PCDH10: variants seen among roughly 807,000 people sequenced by gnomAD.
PCDH10 encodes protocadherin 10.
A neutral mutation model predicts 74.4 loss-of-function variants in PCDH10; 15 were observed. The ratio of observed to expected loss-of-function variants is 0.20; its 90% CI spans 0.13 to 0.31. The LOEUF is 0.31. Ranked by LOEUF, PCDH10 falls within the 10% of genes least tolerant of loss-of-function variation. The pLI, the probability that PCDH10 is intolerant of heterozygous loss-of-function variation, is 1.00. For missense variants in PCDH10, 1,260 were observed against 1,390.2 expected (o/e 0.91, Z 1.49); for synonymous variants, 619 against 589.8 (o/e 1.05, Z -0.72).
chr4:133,181,256 TTAAC>T (rs1253880959), intron 4 of PCDH10, among the ~76,000 whole-genome samples: 4 of 152,078 alleles, frequency 2.6e-5, no homozygotes, highest in East Asian at 1.9e-4. Context: ...CAATTAGTCA[TTAAC>T]TAAAAATTTA....
rs542838667 is a variant in PCDH10 at position 133,191,593 on chromosome 4, T to C, written c.*1433T>C. The C allele has an allele frequency of 5.9e-5, 9 of 152,272 alleles. No homozygotes were observed. Among genetic ancestry groups the C allele is most frequent in the African/African-American group, 1.9e-4 (8 of 41,556 alleles). 9.4% of individuals were successfully genotyped at this position (152,272 alleles called of 1,614,324 possible). A position where few individuals can be genotyped will look rare whatever the true frequency, so the allele number is the denominator to read the frequency against. On this transcript the variant is annotated 3_prime_UTR_variant, in exon 5 of 5. Transcript: ENST00000264360. Reference sequence around the variant, plus strand: ...GTAAGACGCACTTTCCTTTCTTTTATATATTTTTTCTACTGTTGTGTATGC... The same window carrying C: ...GTAAGACGCACTTTCCTTTCTTTTACATATTTTTTCTACTGTTGTGTATGC...
chr4:133,183,793 T>G lies in PCDH10; in HGVS notation c.3104-6348T>G, dbSNP rs570791395. Among the ~76,000 whole-genome samples, 6 of 152,244 alleles carry G rather than the reference T, an allele frequency of 3.9e-5. 1 individual carries two copies. The South Asian group carries it at 1.0e-3, about 26-fold the overall frequency. Reference sequence around the variant, plus strand: ...CTTTCACAATGGTAACATTAGAATTTTAGGAGAGATGGCCAACTATTTAAG... The same window carrying G: ...CTTTCACAATGGTAACATTAGAATTGTAGGAGAGATGGCCAACTATTTAAG... On this transcript the variant is annotated intron_variant, in intron 4 of 4. Transcript: ENST00000264360.
intron 3 of PCDH10, among the ~76,000 whole-genome samples, chr4:133,159,695 G>C (rs1170249307): frequency 6.6e-6 from 1 of 151,802 alleles, no homozygotes; most frequent in African/African-American, 2.4e-5. Flanking sequence ...TAATTTAATT[G>C]AGTTTTGGTC....
chr4:133,198,004 T>TGTGTGTGTGTGTGTGA (rs774649175), downstream of PCDH10, among the ~76,000 whole-genome samples: 145 of 147,892 alleles, frequency 9.8e-4, no homozygotes, highest in Admixed American at 3.6e-3. Context: ...TGTGTGTGTG[T>TGTGTGTGTGTGTGTGA]GTGATTGGGA....
intron 4 of PCDH10, among the ~76,000 whole-genome samples, chr4:133,171,954 TA>T (rs1020536532): frequency 1.9e-3 from 293 of 151,754 alleles, no homozygotes; most frequent in African/African-American, 6.6e-3. Context: ...ATCTTTTTAT[TA>T]AAAAAAAGTG....
intron 2 of PCDH10, 27 bp from the exon 3 acceptor site, chr4:133,154,890 C>T (rs1398448504): frequency 3.5e-6 from 5 of 1,430,402 alleles, no homozygotes; most frequent in Non-Finnish European, 4.9e-6. Context: ...CTTTTTTATT[C>T]TAATATTCAC....
intron 4 of PCDH10, chr4:133,164,159 ATC>A (rs1033978778): frequency 3.0e-6 from 1 of 337,800 alleles, no homozygotes; most frequent in Non-Finnish European, 5.7e-6. Context: ...GAACCAAAAA[ATC>A]ATTTGTTTTG....
At chr4:133,177,111 T>C (rs1413080021) in intron 4 of PCDH10, among the ~76,000 whole-genome samples, 1 of 152,062 alleles carries the variant, frequency 6.6e-6, no homozygotes, top group African/African-American at 2.4e-5. Context: ...CTGATAGCCC[T>C]GTGTAAAAGA....
rs1192082255 is a variant in PCDH10 at position 133,192,071 on chromosome 4, A to G, written c.*1911A>G. 4.0e-5 allele frequency: 6 copies of G among 151,592 alleles called. No individual in the cohort carries two copies. The highest frequency in any genetic ancestry group is 3.9e-4 in the East Asian group (2 of 5,182). 9.4% of individuals were successfully genotyped at this position (151,592 alleles called of 1,614,324 possible). Reference sequence around the variant, plus strand: ...GACTGTTATCAAATTAGATATTAATATATCATATTCCAATCAGTTCATATA... The same window carrying G: ...GACTGTTATCAAATTAGATATTAATGTATCATATTCCAATCAGTTCATATA... On this transcript the variant is annotated 3_prime_UTR_variant, in exon 5 of 5. Transcript: ENST00000264360.
chr4:133,149,997 AT>A lies in PCDH10; in HGVS notation c.-139del. The A allele has an allele frequency of 1.6e-6, 2 of 1,223,156 alleles. No homozygotes were observed. The highest frequency in any genetic ancestry group is 2.2e-6 in the Non-Finnish European group (2 of 926,156). The allele number at this position is 1,223,156 out of a possible 1,614,324, so 75.8% of individuals were successfully genotyped here. A position where few individuals can be genotyped will look rare whatever the true frequency, so the allele number is the denominator to read the frequency against. ...TCTAAAATGAAGCAAAAGGAGTAAG[AT>A]TTTTAAAGACAGAAAGCCACAGGAG... On this transcript the variant is annotated 5_prime_UTR_variant, in exon 1 of 5. Transcript: ENST00000264360.
chr4:133,199,761 A>AATTATTATT (rs10682546), intron 2 of PCDH10, among the ~76,000 whole-genome samples: 10 of 146,328 alleles, frequency 6.8e-5, no homozygotes, highest in Non-Finnish European at 1.2e-4. Flanking sequence ...AGTTGTTTTT[A>AATTATTATT]ATTATTATTA....
intron 4 of PCDH10, among the ~76,000 whole-genome samples, chr4:133,189,659 A>G (rs1727616475): frequency 6.6e-6 from 1 of 152,094 alleles, no homozygotes; most frequent in Non-Finnish European, 1.5e-5. Flanking sequence ...TCTTTAAATT[A>G]TTTAACTACA....
chr4:133,154,285 GATTT>G lies in PCDH10; in HGVS notation c.2632-13_2632-10del, dbSNP rs1222000485. 5 of 1,566,026 alleles carry G rather than the reference GATTT, an allele frequency of 3.2e-6. No homozygotes were observed. Among genetic ancestry groups the G allele is most frequent in the Non-Finnish European group, 4.4e-6 (5 of 1,140,746 alleles). ...CAACCCATAGCATTCAAATGCTCTT[GATTT>G]ATTTATTTTTTTCCTAGACTAAACA... On this transcript the variant is annotated intron_variant, in intron 1 of 4. Transcript: ENST00000264360.
intron 4 of PCDH10, among the ~76,000 whole-genome samples, chr4:133,166,289 G>T (rs1037368771): frequency 1.3e-5 from 2 of 151,324 alleles, no homozygotes; most frequent in Non-Finnish European, 1.5e-5. Flanking sequence ...ATTTTCATTA[G>T]CATAATTAAA....
intron 2 of PCDH10, among the ~76,000 whole-genome samples, chr4:133,204,853 C>A (rs531698385): frequency 3.5e-4 from 54 of 152,316 alleles, no homozygotes; most frequent in African/African-American, 1.3e-3. Flanking sequence ...TTATTAGTCA[C>A]ATCTTCTCAC....
chr4:133,203,432 T>C (rs1387677438), intron 2 of PCDH10, among the ~76,000 whole-genome samples: 2 of 152,134 alleles, frequency 1.3e-5, no homozygotes, highest in Non-Finnish European at 2.9e-5. Context: ...GGTTGCATCA[T>C]AGGATTTAAG....
intron 4 of PCDH10, among the ~76,000 whole-genome samples, chr4:133,173,181 ATAGAG>A (rs1727232475): frequency 1.3e-5 from 2 of 152,150 alleles, no homozygotes; most frequent in Middle Eastern, 3.4e-3. Context: ...GAAATTTTAA[ATAGAG>A]TAAAGAGATT....
intron 4 of PCDH10, among the ~76,000 whole-genome samples, chr4:133,185,666 T>A (rs1032675074): frequency 6.6e-6 from 1 of 152,138 alleles, no homozygotes; most frequent in Admixed American, 6.6e-5. Flanking sequence ...TTGAATAAGC[T>A]CTGGAGTAGG....
intron 4 of PCDH10, among the ~76,000 whole-genome samples, chr4:133,188,681 T>TG (rs2125873249): frequency 9.1e-5 from 13 of 143,214 alleles, no homozygotes; most frequent in African/African-American, 3.4e-4. Context: ...TTTTTTTTTT[T>TG]TTTTTTTTTG....
Sources: allele counts gnomAD v4.1 joint callset (sites outside exome capture counted in the v4.1 genomes callset), GRCh38; gene constraint gnomAD v4.1.1; transcripts MANE v1.5; gene names NCBI Gene and HGNC (gene_info 2026-07-23, HGNC 2026-07-21).